FBXO25: variants seen among roughly 807,000 people sequenced by gnomAD.
FBXO25 encodes F-box only protein 25.
A neutral mutation model predicts 51.9 loss-of-function variants in FBXO25; 45 were observed. The ratio of observed to expected loss-of-function variants is 0.87; its 90% confidence interval spans 0.68 to 1.11. FBXO25 has a LOEUF of 1.11. FBXO25 is among the 50% of genes most tolerant of loss of function. FBXO25 has a pLI of 0.00. For missense variants in FBXO25, 507 were observed against 428.5 expected, an observed-to-expected ratio of 1.18 and a Z score of -1.62; for synonymous variants, 199 against 151.0, an observed-to-expected ratio of 1.32 and a Z score of -2.33.
intron 6 of FBXO25, 191 bp from the exon 7 acceptor site, chr8:451,078 G>C (rs1799053928): frequency 1.9e-6 from 1 of 529,408 alleles, no homozygotes; most frequent in Non-Finnish European, 3.3e-6. Flanking sequence ...AATGTCTTCA[G>C]GGTTCATCCA....
At chr8:466,525 A>G (rs1043814721) in intron 9 of FBXO25, among the ~76,000 whole-genome samples, 4 of 152,196 alleles carry the variant, frequency 2.6e-5, no homozygotes, top group South Asian at 2.1e-4. Context: ...AACTAAAGTA[A>G]TATCAAAGCT....
intron 2 of FBXO25, among the ~76,000 whole-genome samples, chr8:417,432 T>A (rs1796876116): frequency 6.6e-6 from 1 of 152,190 alleles, no homozygotes; most frequent in African/African-American, 2.4e-5. Flanking sequence ...AGGGCTCAAA[T>A]CCTGGATGTA....
At chr8:412,515 C>G (rs1257791880) in intron 1 of FBXO25, among the ~76,000 whole-genome samples, 1 of 152,200 alleles carries the variant, frequency 6.6e-6, no homozygotes, top group Non-Finnish European at 1.5e-5. Context: ...TCTTTGTAAA[C>G]CACAAATCTG....
chr8:453,965 A>T (rs918008251), intron 7 of FBXO25, among the ~76,000 whole-genome samples: 3 of 152,110 alleles, frequency 2.0e-5, no homozygotes, highest in African/African-American at 4.8e-5. Context: ...CTTTACTAAA[A>T]ATACAAAAAT....
chr8:432,846 A>T (rs1218124477), intron 3 of FBXO25, 40 bp from the exon 4 acceptor site: 1 of 1,509,242 alleles, frequency 6.6e-7, no homozygotes, highest in East Asian at 2.4e-5. Flanking sequence ...TTTTGAAATG[A>T]TTTGCCAGAT....
Position 474,652 on chromosome 8 carries a change from G to A in FBXO25, c.*5848G>A, listed in dbSNP as rs1292882491. 1.6e-5 allele frequency: 7 copies of A among 440,150 alleles called. No homozygotes were observed. The highest frequency in any genetic ancestry group is 3.2e-5 in the Non-Finnish European group (7 of 221,746). 27.3% of individuals were successfully genotyped at this position (440,150 alleles called of 1,614,324 possible). ...TGGTGATGCTGAGTATCTGTTTGTT[G>A]GCCGTTTATATGTCGTCTTTGGAGA... On this transcript the variant is annotated 3_prime_UTR_variant, in exon 10 of 10. Coordinates refer to ENST00000350302, the MANE Select transcript of FBXO25 (RefSeq NM_183420.2).
intron 9 of FBXO25, among the ~76,000 whole-genome samples, chr8:468,462 A>C (rs532939382): frequency 6.6e-6 from 1 of 152,078 alleles, no homozygotes; most frequent in African/African-American, 2.4e-5. Flanking sequence ...TCAGTACCAG[A>C]TTCGGCACTG....
intron 2 of FBXO25, among the ~76,000 whole-genome samples, 156 bp downstream of exon 2, chr8:413,369 A>C (rs561687119): frequency 1.3e-5 from 2 of 152,132 alleles, no homozygotes; most frequent in African/African-American, 4.8e-5. Context: ...AAATGAGGCT[A>C]GTAGATTGCC....
chr8:458,255 G>A (rs1029017314), intron 7 of FBXO25, 114 bp from the exon 8 acceptor site: 3 of 1,200,790 alleles, frequency 2.5e-6, no homozygotes, highest in Admixed American at 2.1e-5. Flanking sequence ...GACATGGAGA[G>A]CTCTTTTTGT....
chr8:436,468 C>T (rs115311289), intron 5 of FBXO25, among the ~76,000 whole-genome samples: 12,293 of 152,052 alleles, frequency 0.081, 622 homozygotes, highest in African/African-American at 0.14. Flanking sequence ...AATTGTAAGC[C>T]TTAGATAATA....
chr8:416,072 C>G (rs1369342302), intron 2 of FBXO25, among the ~76,000 whole-genome samples: 1 of 152,170 alleles, frequency 6.6e-6, no homozygotes, highest in Non-Finnish European at 1.5e-5. Context: ...TCCTTGTTCA[C>G]CCACTCATTT....
At chr8:415,199 A>G (rs561287653) in intron 2 of FBXO25, among the ~76,000 whole-genome samples, 2 of 152,316 alleles carry the variant, frequency 1.3e-5, no homozygotes, top group South Asian at 4.1e-4. Context: ...AGTAAAAATA[A>G]TTTAGGTAAT....
At chr8:455,625 T>C (rs1166788209) in intron 7 of FBXO25, among the ~76,000 whole-genome samples, 2 of 152,344 alleles carry the variant, frequency 1.3e-5, no homozygotes, top group East Asian at 1.9e-4. Flanking sequence ...CACAAGTTTC[T>C]GTTAGCAGAA....
chr8:422,650 G>A (rs1381500782), intron 2 of FBXO25, among the ~76,000 whole-genome samples: 1 of 152,226 alleles, frequency 6.6e-6, no homozygotes, highest in Admixed American at 6.5e-5. Context: ...TCTTGTGCAA[G>A]TCTAAAATCA....
chr8:435,548 A>C, intron 4 of FBXO25, 67 bp from the exon 5 acceptor site: 1 of 1,556,514 alleles, frequency 6.4e-7, no homozygotes, highest in Non-Finnish European at 8.6e-7. Flanking sequence ...TCGCACAATT[A>C]ATTGACATTA....
At chr8:467,778 T>A in intron 9 of FBXO25, 2 of 1,612,994 alleles carry the variant, frequency 1.2e-6, no homozygotes, top group Non-Finnish European at 1.7e-6. Flanking sequence ...CATCCTGTGT[T>A]CGGGATGAAA....
At chr8:448,388 G>A (rs1798866147) in intron 5 of FBXO25, among the ~76,000 whole-genome samples, 2 of 152,210 alleles carry the variant, frequency 1.3e-5, no homozygotes, top group Admixed American at 1.3e-4. Context: ...CTTACTGAGG[G>A]AAAAGATCAG....
rs1222639393 is a variant in FBXO25, at chr8:475,304, A to G, written c.*6500A>G. The G allele has an allele frequency of 5.4e-6, 1 of 183,760 alleles. No homozygotes were observed. The highest frequency in any genetic ancestry group is 2.4e-5 in the African/African-American group (1 of 41,642). 11.4% of individuals were successfully genotyped at this position (183,760 alleles called of 1,614,324 possible). A position where few individuals can be genotyped will look rare whatever the true frequency, so the allele number is the denominator to read the frequency against. On this transcript the variant is annotated 3_prime_UTR_variant, in exon 10 of 10. Transcript: ENST00000350302. Reference sequence around the variant, plus strand: ...CTATTCTGTTCCATTGGTCTACATGACTGTCTTTGTTTCAATACAACACCA... The same window carrying G: ...CTATTCTGTTCCATTGGTCTACATGGCTGTCTTTGTTTCAATACAACACCA...
chr8:463,065 T>C lies in FBXO25; in HGVS notation c.902T>C (p.Phe301Ser). Residue 301 changes from phenylalanine (F) to serine (S), a missense_variant, in exon 9 of 10, where the codon TTT becomes TCT. Phe to Ser is a radical substitution (Grantham distance 155). Transcript: ENST00000350302. The part of the protein sequence containing the change: ...KGHIEWKLMY[F>S]ALQKHYPAKE... ...CATATTGAATGGAAGTTGATGTACT[T>C]TGCACTTCAGAAACATTACCCAGCG... The C allele has an allele frequency of 6.2e-7, 1 of 1,613,986 alleles. No homozygotes were observed. Among genetic ancestry groups the C allele is most frequent in the Non-Finnish European group, 8.5e-7 (1 of 1,179,964 alleles).
Sources: gnomAD v4.1 joint callset for allele counts (sites outside exome capture counted in the v4.1 genomes callset) on GRCh38, gnomAD v4.1.1 for gene constraint, MANE v1.5 for transcripts, NCBI Gene and HGNC (gene_info 2026-07-23, HGNC 2026-07-21) for gene names.